The following LTBP1 variants were observed in gnomAD, a reference collection of about 807,000 sequenced individuals.
The protein encoded by LTBP1 is latent-transforming growth factor beta-binding protein 1.
LTBP1 carries 129 observed loss-of-function variants against 207.6 expected under a neutral mutation model. The ratio of observed to expected loss-of-function variants is 0.62; its 90% CI spans 0.54 to 0.72. The LOEUF is 0.72. Among genes scored for constraint, LTBP1 ranks in the 30% least tolerant of loss-of-function variants. The pLI is 0.00. For missense variants in LTBP1, 2,281 were observed against 2,217.2 expected (o/e 1.03, Z -0.58); for synonymous variants, 963 against 833.7 (o/e 1.16, Z -2.67).
chr2:33,148,942 C>T (rs572178717), intron 5 of LTBP1, among the ~76,000 whole-genome samples: 4 of 151,992 alleles, frequency 2.6e-5, no homozygotes, highest in South Asian at 2.1e-4. Flanking sequence ...GGGCTGGGCG[C>T]GGTGGCTCAT....
intron 5 of LTBP1, among the ~76,000 whole-genome samples, chr2:33,148,085 G>C (rs1366405919): frequency 1.3e-5 from 2 of 152,192 alleles, no homozygotes; most frequent in Non-Finnish European, 2.9e-5. Context: ...CAATAGTGTG[G>C]TGGTCTTATC....
intron 22 of LTBP1, among the ~76,000 whole-genome samples, chr2:33,302,854 G>A (rs1411653060): frequency 6.6e-6 from 1 of 151,834 alleles, no homozygotes; most frequent in Non-Finnish European, 1.5e-5. Context: ...CCTGAGGTCA[G>A]GAGGTCAAGA....
At chr2:33,067,798 C>T (rs1004583002) in intron 3 of LTBP1, among the ~76,000 whole-genome samples, 1 of 152,084 alleles carries the variant, frequency 6.6e-6, no homozygotes, top group African/African-American at 2.4e-5. Flanking sequence ...AACTAATCTC[C>T]CATGGATACC....
At chr2:33,376,583 C>T (rs1393340722) in intron 31 of LTBP1, among the ~76,000 whole-genome samples, 2 of 152,234 alleles carry the variant, frequency 1.3e-5, no homozygotes, top group Non-Finnish European at 2.9e-5. Context: ...TCCGTGCTAA[C>T]GGGATCCCAG....
chr2:33,310,663 T>C (rs989308555), intron 23 of LTBP1, among the ~76,000 whole-genome samples: 3 of 152,230 alleles, frequency 2.0e-5, no homozygotes, highest in Admixed American at 2.0e-4. Flanking sequence ...GTTACATTTA[T>C]AGCCAAAAGA....
Position 33,039,309 on chromosome 2 carries a change from A to C in LTBP1, c.863+18103A>C, listed in dbSNP as rs534466342. ...TAGCATCTGACAGGAGAAAAAAAAAACACCAAAACCCATAATTGTTCTTTC... is the reference window on the plus strand; with the variant it reads ...TAGCATCTGACAGGAGAAAAAAAAACCACCAAAACCCATAATTGTTCTTTC... On this transcript the variant is annotated intron_variant, in intron 3 of 33. Transcript: ENST00000404816. Among the ~76,000 whole-genome samples the C allele has an allele frequency of 1.5e-3, 233 of 151,440 alleles. 2 individuals carry two copies. Among genetic ancestry groups the C allele is most frequent in the Middle Eastern group, 6.8e-3 (2 of 294 alleles).
chr2:33,303,492 A>G lies in LTBP1; in HGVS notation c.3481+1848A>G, dbSNP rs2094028215. Among the ~76,000 whole-genome samples, 4 of 151,672 alleles carry G rather than the reference A, an allele frequency of 2.6e-5. No homozygotes were observed. In the South Asian group the frequency reaches 8.4e-4, roughly 32 times the overall value. On this transcript the variant is annotated intron_variant, in intron 22 of 33. Transcript: ENST00000404816. Reference sequence around the variant, plus strand: ...AGCCTCCCGAGTAGCTGGGACTACAAGCACCTGCCACCATGCCCGGCTAAT... The same window carrying G: ...AGCCTCCCGAGTAGCTGGGACTACAGGCACCTGCCACCATGCCCGGCTAAT...
intron 2 of LTBP1, among the ~76,000 whole-genome samples, chr2:32,965,418 C>T (rs941197992): frequency 1.3e-5 from 2 of 152,100 alleles, no homozygotes; most frequent in Non-Finnish European, 1.5e-5. Context: ...TAATAACATA[C>T]ATCTACAGTA....
At chr2:32,969,226 AATTTGTGTGTGT>A (rs1316689092) in intron 2 of LTBP1, among the ~76,000 whole-genome samples, 8 of 86,226 alleles carry the variant, frequency 9.3e-5, no homozygotes, top group African/African-American at 3.8e-4. Context: ...GCACCTGGCC[AATTTGTGTGTGT>A]GTGTGTGTGT....
chr2:33,338,354 T>G (rs1398235151), intron 24 of LTBP1, among the ~76,000 whole-genome samples: 1 of 152,188 alleles, frequency 6.6e-6, no homozygotes, highest in Non-Finnish European at 1.5e-5. Flanking sequence ...CGAGAAATCA[T>G]CATCTGCTAT....
chr2:33,219,906 T>C (rs2090987936), intron 8 of LTBP1, among the ~76,000 whole-genome samples: 1 of 152,188 alleles, frequency 6.6e-6, no homozygotes, highest in East Asian at 1.9e-4. Context: ...TTGTCGTTTT[T>C]GTCTAGAATT....
rs1284432354 is a variant in LTBP1 at position 33,364,226 on chromosome 2, A to G, written c.4410A>G (p.Glu1470=). ...PVKLQCFDMD[E]CQDPSSCIDG... is the part of the protein sequence containing the mutation. ...TTTTTTGCTCTTAAGATATGGATGA[A>G]TGTCAAGACCCCAGTAGTTGTATTG... is the stretch of plus-strand genomic sequence containing the variant. Residue 1470 remains glutamate, a synonymous_variant, in exon 30 of 34, where the codon GAA becomes GAG. Transcript: ENST00000404816. 3.1e-6 allele frequency: 5 copies of G among 1,612,880 alleles called. No homozygotes were observed. The highest frequency in any genetic ancestry group is 1.7e-5 in the Admixed American group (1 of 59,726).
intron 2 of LTBP1, among the ~76,000 whole-genome samples, chr2:32,954,416 CTCCTT>C (rs1332833322): frequency 6.6e-6 from 1 of 152,134 alleles, no homozygotes; most frequent in East Asian, 1.9e-4. Flanking sequence ...CTAGGCCTCT[CTCCTT>C]GGCCTGTAGA....
intron 2 of LTBP1, among the ~76,000 whole-genome samples, chr2:32,998,805 G>T (rs984099439): frequency 6.6e-5 from 10 of 152,116 alleles, no homozygotes; most frequent in African/African-American, 1.7e-4. Flanking sequence ...CAACCCAGAA[G>T]GGATCCCTCA....
chr2:33,221,357 A>C (rs571636806), intron 8 of LTBP1, among the ~76,000 whole-genome samples: 1 of 152,206 alleles, frequency 6.6e-6, no homozygotes, highest in South Asian at 2.1e-4. Flanking sequence ...TTTGAAATCC[A>C]CTTCTGCCAC....
chr2:33,314,110 A>G (rs752514024), intron 23 of LTBP1, among the ~76,000 whole-genome samples: 1 of 152,196 alleles, frequency 6.6e-6, no homozygotes, highest in African/African-American at 2.4e-5. Flanking sequence ...AGTCGACAAC[A>G]CAAGTGTATG....
chr2:33,043,229 G>A (rs1314668243), intron 3 of LTBP1, among the ~76,000 whole-genome samples: 1 of 152,146 alleles, frequency 6.6e-6, no homozygotes, highest in Non-Finnish European at 1.5e-5. Context: ...AAAGTAGTGG[G>A]ATTGAGCCCA....
intron 6 of LTBP1, among the ~76,000 whole-genome samples, chr2:33,187,660 AAT>A (rs775895595): frequency 6.6e-6 from 1 of 152,226 alleles, no homozygotes; most frequent in Non-Finnish European, 1.5e-5. Flanking sequence ...TACTGGCTCT[AAT>A]TCTTTAAAAC....
intron 7 of LTBP1, among the ~76,000 whole-genome samples, chr2:33,202,469 C>T (rs189188590): frequency 2.6e-5 from 4 of 152,294 alleles, no homozygotes; most frequent in Non-Finnish European, 5.9e-5. Flanking sequence ...TGAATTTCCG[C>T]AGTATCTCTC....
Sources: allele counts gnomAD v4.1 joint callset (sites outside exome capture counted in the v4.1 genomes callset), GRCh38; gene constraint gnomAD v4.1.1; transcripts MANE v1.5; gene names NCBI Gene and HGNC (gene_info 2026-07-23, HGNC 2026-07-21).